CDC42SE2: variants seen among roughly 807,000 people sequenced by gnomAD.
CDC42SE2 encodes CDC42 small effector 2.
In CDC42SE2, 3 loss-of-function variants were observed where a neutral mutation model predicts 11.5. The observed-to-expected ratio is 0.26, with a 90% confidence interval of 0.12 to 0.67. The LOEUF (loss-of-function observed/expected upper bound fraction) is 0.67, where lower values mean the gene tolerates loss of function less well. Ranked by LOEUF, CDC42SE2 falls within the 30% of genes least tolerant of loss-of-function variation. CDC42SE2 has a pLI of 0.80. For missense variants in CDC42SE2, 82 were observed against 106.8 expected (o/e 0.77, Z 1.02); for synonymous variants, 33 against 34.8 (o/e 0.95, Z 0.18).
intron 1 of CDC42SE2, among the ~76,000 whole-genome samples, chr5:131,309,501 G>C (rs1352768312): frequency 1.3e-5 from 2 of 151,272 alleles, no homozygotes; most frequent in African/African-American, 2.4e-5. Context: ...CTATTGATTG[G>C]AATAGTTTCA....
intron 2 of CDC42SE2, among the ~76,000 whole-genome samples, chr5:131,348,811 A>G (rs1003035570): frequency 1.3e-5 from 2 of 152,122 alleles, no homozygotes; most frequent in African/African-American, 2.4e-5. Context: ...CCAATGGAAT[A>G]GAAGAGCCCC....
rs533188858 is a variant in CDC42SE2 at position 131,377,200 on chromosome 5, GTCTC to G, written c.55-8337_55-8334del. Among the ~76,000 whole-genome samples the G allele has an allele frequency of 7.8e-4, 115 of 146,716 alleles. No homozygotes were observed. In the East Asian group the frequency reaches 8.7e-3, roughly 11 times the overall value. On this transcript the variant is annotated intron_variant, in intron 3 of 4. Transcript: ENST00000505065. ...TTTTTTTTTTTTTTTTTGAGACAGA[GTCTC>G]TCTCTGTTGCCCAGGCTGGAGTGAT...
At chr5:131,312,361 G>T (rs1757940254) in intron 1 of CDC42SE2, among the ~76,000 whole-genome samples, 1 of 152,162 alleles carries the variant, frequency 6.6e-6, no homozygotes, top group South Asian at 2.1e-4. Context: ...GTCAGACAGG[G>T]ACATTTAAGT....
chr5:131,290,402 A>T (rs905970286), intron 1 of CDC42SE2, among the ~76,000 whole-genome samples: 5 of 151,106 alleles, frequency 3.3e-5, no homozygotes, highest in African/African-American at 1.2e-4. Flanking sequence ...TTTGAAGTAA[A>T]TTATTTCACT....
chr5:131,273,531 GAGGCTGAGGC>G (rs1472732279), intron 1 of CDC42SE2, among the ~76,000 whole-genome samples: 1 of 150,618 alleles, frequency 6.6e-6, no homozygotes, highest in Admixed American at 6.6e-5. Context: ...AGCACTTTGG[GAGGCTGAGGC>G]AGGCAGATCA....
chr5:131,280,319 G>C (rs565918842), intron 1 of CDC42SE2, among the ~76,000 whole-genome samples: 1 of 152,216 alleles, frequency 6.6e-6, no homozygotes, highest in South Asian at 2.1e-4. Context: ...ATAATAACTA[G>C]TCAGTGGTCA....
At chr5:131,312,907 C>T (rs576488723) in intron 1 of CDC42SE2, among the ~76,000 whole-genome samples, 26 of 152,296 alleles carry the variant, frequency 1.7e-4, no homozygotes, top group Admixed American at 1.3e-3. Flanking sequence ...TCTTCTGTGT[C>T]GCTCACGCTG....
intron 1 of CDC42SE2, chr5:131,253,016 G>A (rs1484702807): frequency 6.6e-6 from 1 of 152,242 alleles, no homozygotes; most frequent in Non-Finnish European, 1.5e-5. Context: ...AAGCTGTGGT[G>A]GCAGTTTCTT....
chr5:131,306,898 T>G (rs1288120569), intron 1 of CDC42SE2, among the ~76,000 whole-genome samples: 7 of 152,148 alleles, frequency 4.6e-5, no homozygotes, highest in Non-Finnish European at 8.8e-5. Flanking sequence ...GATTATTAGT[T>G]GTTAGTGTAA....
chr5:131,298,178 GCGCAA>G (rs1422525622), intron 1 of CDC42SE2, among the ~76,000 whole-genome samples: 1 of 151,134 alleles, frequency 6.6e-6, no homozygotes, highest in East Asian at 1.9e-4. Context: ...TCTCGGCTCA[GCGCAA>G]CCTCTGCCTC....
chr5:131,322,907 G>C (rs926155923), intron 2 of CDC42SE2, among the ~76,000 whole-genome samples: 6 of 152,206 alleles, frequency 3.9e-5, no homozygotes, highest in Admixed American at 3.9e-4. Context: ...ATCACCAACA[G>C]TGCACAAAGA....
chr5:131,212,987 T>TG, the CDC42SE2 span, among the ~76,000 whole-genome samples: 1 of 152,144 alleles, frequency 6.6e-6, no homozygotes, highest in East Asian at 1.9e-4. Context: ...GGTCAGGAGT[T>TG]CAAGACCAGC....
At chr5:131,308,001 C>T (rs1031591250) in intron 1 of CDC42SE2, among the ~76,000 whole-genome samples, 8 of 152,158 alleles carry the variant, frequency 5.3e-5, no homozygotes, top group Non-Finnish European at 1.2e-4. Flanking sequence ...CGAAAATTTT[C>T]TCCCATTGTG....
chr5:131,214,165 A>G, the CDC42SE2 span, among the ~76,000 whole-genome samples: 1 of 152,234 alleles, frequency 6.6e-6, no homozygotes, highest in Non-Finnish European at 1.5e-5. Flanking sequence ...TTAGTGTCTT[A>G]AAGAAATAAC....
the CDC42SE2 span, among the ~76,000 whole-genome samples, chr5:131,216,937 A>T: frequency 6.6e-6 from 1 of 152,206 alleles, no homozygotes; most frequent in African/African-American, 2.4e-5. Flanking sequence ...ATAGATACTT[A>T]AAAAAGAGCC....
At chr5:131,267,926 T>C (rs570759093) in intron 1 of CDC42SE2, among the ~76,000 whole-genome samples, 63 of 152,236 alleles carry the variant, frequency 4.1e-4, no homozygotes, top group African/African-American at 1.3e-3. Context: ...TCAATTTTCA[T>C]GAAAAATATT....
intron 2 of CDC42SE2, among the ~76,000 whole-genome samples, chr5:131,319,556 G>A (rs1758117086): frequency 6.6e-6 from 1 of 152,060 alleles, no homozygotes. Flanking sequence ...TTCTCAAAAA[G>A]TAGATCTCTT....
At chr5:131,334,777 T>C (rs1383412100) in intron 2 of CDC42SE2, among the ~76,000 whole-genome samples, 4 of 152,214 alleles carry the variant, frequency 2.6e-5, no homozygotes, top group Non-Finnish European at 5.9e-5. Flanking sequence ...TATTCTCTGA[T>C]GGTAGTTTGT....
chr5:131,353,187 C>T (rs1165186184), intron 2 of CDC42SE2, among the ~76,000 whole-genome samples: 3 of 152,004 alleles, frequency 2.0e-5, no homozygotes, highest in Non-Finnish European at 2.9e-5. Flanking sequence ...AGGTTGGTCT[C>T]GAACTCCTGG....
Sources: gnomAD v4.1 joint callset for allele counts (sites outside exome capture counted in the v4.1 genomes callset) on GRCh38, gnomAD v4.1.1 for gene constraint, MANE v1.5 for transcripts, NCBI Gene and HGNC (gene_info 2026-07-23, HGNC 2026-07-21) for gene names.